Variants in DLGAP1 observed in about 807,000 individuals in gnomAD.
DLGAP1 encodes disks large-associated protein 1.
In DLGAP1, 11 loss-of-function variants were observed where a neutral mutation model predicts 90.8. The ratio of observed to expected loss-of-function variants is 0.12; its 90% CI spans 0.08 to 0.20. DLGAP1 has a LOEUF of 0.20. DLGAP1 is among the 10% of genes least tolerant of loss of function. DLGAP1 has a pLI of 1.00. For missense variants in DLGAP1, 1,050 were observed against 1,333.8 expected (o/e 0.79, Z 3.31); for synonymous variants, 558 against 540.7 (o/e 1.03, Z -0.44).
At chr18:4,305,306 G>A (rs548215777) in intron 1 of DLGAP1, among the ~76,000 whole-genome samples, 22 of 152,120 alleles carry the variant, frequency 1.4e-4, no homozygotes, top group African/African-American at 5.1e-4. Context: ...AGGCGGAGGC[G>A]GGTGGATCAC....
intron 2 of DLGAP1, among the ~76,000 whole-genome samples, chr18:4,060,284 C>G (rs187915680): frequency 6.6e-6 from 1 of 152,182 alleles, no homozygotes; most frequent in Non-Finnish European, 1.5e-5. Flanking sequence ...CTCCTCTGAG[C>G]AACTCTCCTC....
intron 3 of DLGAP1, among the ~76,000 whole-genome samples, chr18:3,939,444 C>CA (rs930164292): frequency 7.6e-5 from 9 of 119,018 alleles, no homozygotes; most frequent in African/African-American, 1.9e-4. Context: ...AAAAAACCAA[C>CA]AAAAAAACAC....
intron 7 of DLGAP1, among the ~76,000 whole-genome samples, chr18:3,634,793 T>A (rs2058639723): frequency 1.3e-5 from 2 of 152,260 alleles, no homozygotes; most frequent in African/African-American, 4.8e-5. Context: ...CATTTATTTG[T>A]ACAGATGAAT....
At chr18:3,514,699 G>A (rs4065369) in intron 10 of DLGAP1, among the ~76,000 whole-genome samples, 90,638 of 151,980 alleles carry the variant, frequency 0.6, 28,342 homozygotes, top group East Asian at 0.76. Context: ...ACTGTAGTCT[G>A]TTAAGTGTGT....
intron 2 of DLGAP1, among the ~76,000 whole-genome samples, chr18:4,064,433 C>CAATA (rs1023232760): frequency 9.0e-5 from 9 of 100,036 alleles, no homozygotes; most frequent in Admixed American, 7.6e-4. Flanking sequence ...AAAATTAATA[C>CAATA]AATAGACTGC....
chr18:3,672,420 A>G (rs2060123268), intron 7 of DLGAP1, among the ~76,000 whole-genome samples: 1 of 151,896 alleles, frequency 6.6e-6, no homozygotes, highest in African/African-American at 2.4e-5. Context: ...TCTACTAAAA[A>G]TACAAAATCA....
intron 4 of DLGAP1, among the ~76,000 whole-genome samples, chr18:3,833,244 GT>G (rs1285190005): frequency 1.8e-5 from 2 of 112,438 alleles, no homozygotes; most frequent in African/African-American, 6.9e-5. Flanking sequence ...CTTCCTCCTT[GT>G]TTTTTTTTGA....
chr18:3,724,898 C>T (rs2062106930), intron 7 of DLGAP1, among the ~76,000 whole-genome samples: 1 of 137,244 alleles, frequency 7.3e-6, no homozygotes, highest in Non-Finnish European at 1.6e-5. Flanking sequence ...CAGGGAAACT[C>T]TGTCTCAAAA....
At chr18:3,544,719 T>TTTCTTTTA (rs1555674763) in intron 9 of DLGAP1, among the ~76,000 whole-genome samples, 1 of 143,108 alleles carries the variant, frequency 7.0e-6, no homozygotes, top group Non-Finnish European at 1.5e-5. Context: ...TGTACTTTGC[T>TTTCTTTTA]TTTATTTATT....
intron 9 of DLGAP1, among the ~76,000 whole-genome samples, chr18:3,559,591 T>A (rs998277283): frequency 1.3e-5 from 2 of 151,900 alleles, no homozygotes; most frequent in Admixed American, 1.3e-4. Flanking sequence ...AGCCCTAGAG[T>A]TTGCATTATG....
At chr18:4,316,991 T>A (rs2080545756) in intron 1 of DLGAP1, among the ~76,000 whole-genome samples, 1 of 150,598 alleles carries the variant, frequency 6.6e-6, no homozygotes, top group Admixed American at 6.6e-5. Context: ...CCTTCCCTCA[T>A]GACCTACACC....
At chr18:4,101,421 A>C (rs187197559) in intron 2 of DLGAP1, among the ~76,000 whole-genome samples, 69 of 152,320 alleles carry the variant, frequency 4.5e-4, no homozygotes, top group African/African-American at 1.6e-3. Flanking sequence ...AGCATCAAAG[A>C]TCACTGATCA....
At chr18:4,388,625 C>T (rs550091965) in intron 1 of DLGAP1, among the ~76,000 whole-genome samples, 21 of 152,146 alleles carry the variant, frequency 1.4e-4, no homozygotes, top group African/African-American at 5.1e-4. Context: ...AGGTAAGATG[C>T]CCAAATTTTT....
At chr18:3,838,128 T>C (rs961122791) in intron 4 of DLGAP1, among the ~76,000 whole-genome samples, 4 of 152,128 alleles carry the variant, frequency 2.6e-5, no homozygotes, top group Non-Finnish European at 5.9e-5. Context: ...GAGCTTCAGT[T>C]AGTGAATGAA....
chr18:4,263,691 A>G (rs550725069), intron 1 of DLGAP1, among the ~76,000 whole-genome samples: 1 of 152,326 alleles, frequency 6.6e-6, no homozygotes, highest in Non-Finnish European at 1.5e-5. Context: ...AAATGGATAA[A>G]TGTGCAATTA....
Position 3,670,442 on chromosome 18 carries a change from T to G in DLGAP1, c.1591+58693A>C, listed in dbSNP as rs138885560. On this transcript the variant is annotated intron_variant, in intron 7 of 12. Transcript: ENST00000315677. Reference sequence around the variant, plus strand: ...CTGCATTACAAGCAAATCTGGCAACTGATAACTTCCTGGACAGCTGTCTCT... The same window carrying G: ...CTGCATTACAAGCAAATCTGGCAACGGATAACTTCCTGGACAGCTGTCTCT... 2.3e-4 allele frequency among the ~76,000 whole-genome samples: 35 copies of G among 152,350 alleles called. No homozygotes were observed. The East Asian group carries it at 4.2e-3, about 18-fold the overall frequency.
chr18:3,801,811 C>A (rs1042497710), intron 5 of DLGAP1, among the ~76,000 whole-genome samples: 1 of 152,058 alleles, frequency 6.6e-6, no homozygotes, highest in African/African-American at 2.4e-5. Context: ...CCCAGAAAGC[C>A]TCTTCACGAG....
At chr18:4,271,115 G>T (rs1260521862) in intron 1 of DLGAP1, among the ~76,000 whole-genome samples, 1 of 152,114 alleles carries the variant, frequency 6.6e-6, no homozygotes, top group Non-Finnish European at 1.5e-5. Flanking sequence ...TTAGAAAGTG[G>T]TTGACAGCTT....
intron 3 of DLGAP1, among the ~76,000 whole-genome samples, chr18:3,897,640 C>T (rs1196960740): frequency 6.6e-6 from 1 of 152,138 alleles, no homozygotes; most frequent in East Asian, 1.9e-4. Flanking sequence ...AAACTCTTTG[C>T]TGACTTGGAG....
Sources: gnomAD v4.1 joint callset for allele counts (sites outside exome capture counted in the v4.1 genomes callset) on GRCh38, gnomAD v4.1.1 for gene constraint, MANE v1.5 for transcripts, NCBI Gene and HGNC (gene_info 2026-07-23, HGNC 2026-07-21) for gene names.